Variants in SASH3 observed in about 807,000 individuals in gnomAD.
SASH3 encodes the protein SAM and SH3 domain containing 3, also known as SAM and SH3 domain-containing protein 3.
Under a neutral mutation model 26.1 loss-of-function variants are expected in SASH3, and 7 were observed. The ratio of observed to expected loss-of-function variants is 0.27; its 90% CI spans 0.15 to 0.50. The LOEUF (loss-of-function observed/expected upper bound fraction) is 0.50, where lower values mean the gene tolerates loss of function less well. Among genes scored for constraint, SASH3 ranks in the 20% least tolerant of loss-of-function variants. The pLI is 0.98. For synonymous variants in SASH3, 138 were observed against 136.8 expected (o/e 1.01, Z -0.06); for missense variants, 231 against 318.3 (o/e 0.73, Z 2.09).
intron 1 of SASH3, among the ~76,000 whole-genome samples, chrX:129,785,591 G>T (rs1041214815): frequency 1.2e-4 from 14 of 112,187 alleles, no homozygotes; most frequent in African/African-American, 4.5e-4. Context: ...CCCCCAGACT[G>T]CAGATTAATG....
chrX:129,783,505 T>C (rs960700682), intron 1 of SASH3, among the ~76,000 whole-genome samples: 2 of 112,179 alleles, frequency 1.8e-5, no homozygotes. Context: ...TCCAGAGTCA[T>C]AGACCTGGGT....
chrX:129,788,137 G>GGGGGTGGA, intron 2 of SASH3, 67 bp downstream of exon 2: 2 of 354,273 alleles, frequency 5.6e-6, no homozygotes, highest in Non-Finnish European at 5.4e-6. Flanking sequence ...GGGTGGGAGG[G>GGGGGTGGA]AAGAGGGTGA....
At chrX:129,782,660 T>C (rs1004139527) in intron 1 of SASH3, among the ~76,000 whole-genome samples, 3 of 112,232 alleles carry the variant, frequency 2.7e-5, no homozygotes, top group South Asian at 3.7e-4. Context: ...TGTCCCCTTG[T>C]TGATCTCAAA....
At chrX:129,788,301 G>C (rs1331805444) in intron 2 of SASH3, 130 bp from the exon 3 acceptor site, 1 of 652,029 alleles carries the variant, frequency 1.5e-6, no homozygotes, top group Admixed American at 3.0e-5. Context: ...GGGTTAAGAG[G>C]GGAGGGGATG....
In SASH3 at chrX:129,793,865, C is replaced by T. The variant is rs1232244840; in HGVS notation, c.*33C>T. The T allele has an allele frequency of 8.8e-7, 1 of 1,139,380 alleles. No individual in the cohort carries two copies. The highest frequency in any genetic ancestry group is 1.2e-6 in the Non-Finnish European group (1 of 850,149). The allele number at this position is 1,139,380 out of a possible 1,213,427, so 93.9% of individuals were successfully genotyped here. ...GTGGCAATAGGCCAAGGCTGGGACC[C>T]AGCTGCAAAGGCTGTAGGAGTGGGC... On this transcript the variant is annotated 3_prime_UTR_variant, in exon 8 of 8. Coordinates refer to ENST00000356892, the MANE Select transcript of SASH3 (RefSeq NM_018990.4).
At chrX:129,784,279 T>C (rs1927068773) in intron 1 of SASH3, among the ~76,000 whole-genome samples, 2 of 112,091 alleles carry the variant, frequency 1.8e-5, no homozygotes, top group Admixed American at 9.4e-5. Context: ...GTCTCCTACC[T>C]GGGTACTATT....
chrX:129,785,102 T>C (rs2124074522), intron 1 of SASH3, among the ~76,000 whole-genome samples: 1 of 110,655 alleles, frequency 9.0e-6, no homozygotes, highest in Non-Finnish European at 1.9e-5. Context: ...ATATTTAGTA[T>C]ATTTCAAATG....
intron 1 of SASH3, among the ~76,000 whole-genome samples, chrX:129,780,495 C>T (rs772383217): frequency 7.1e-5 from 8 of 112,562 alleles, no homozygotes; most frequent in Non-Finnish European, 1.3e-4. Flanking sequence ...GAACCCTAAG[C>T]TTGTACTTAA....
intron 1 of SASH3, among the ~76,000 whole-genome samples, chrX:129,786,831 T>C (rs1927115427): frequency 9.1e-6 from 1 of 109,316 alleles, no homozygotes; most frequent in South Asian, 4.0e-4. Flanking sequence ...TCGTCTCTAC[T>C]GAAAATACAA....
chrX:129,789,170 A>AGAAAGAAAGAAAGAGAAAG (rs10683625), intron 3 of SASH3, among the ~76,000 whole-genome samples: 2 of 48,293 alleles, frequency 4.1e-5, no homozygotes, highest in African/African-American at 2.9e-4. Flanking sequence ...AGAAAGAGAA[A>AGAAAGAAAGAAAGAGAAAG]AAAAAAAAAA....
chrX:129,790,344 A>G (rs1927208346), intron 3 of SASH3, among the ~76,000 whole-genome samples: 1 of 110,333 alleles, frequency 9.1e-6, no homozygotes, highest in African/African-American at 3.3e-5. Flanking sequence ...GCTGTTAAAC[A>G]GTTATCACCT....
Position 129,793,103 on chromosome X carries a change from C to A in SASH3, c.916C>A (p.Leu306Met). 1 of 1,211,755 alleles carries A rather than the reference C, an allele frequency of 8.3e-7. No individual in the cohort carries two copies. Among genetic ancestry groups the A allele is most frequent in the Non-Finnish European group, 1.1e-6 (1 of 895,509 alleles). The change falls in exon 7 of 8, where the codon CTG becomes ATG. Residue 306 changes from leucine to methionine, a missense_variant. Coordinates refer to ENST00000356892, the MANE Select transcript of SASH3 (RefSeq NM_018990.4). ...NIMDPQHRAKLLTAAELLLDY... is the reference protein window; with the variant it reads ...NIMDPQHRAKMLTAAELLLDY... ...CATGGATCCACAGCACCGGGCCAAG[C>A]TGCTCACGGCCGCCGAGCTGCTGCT...
At chrX:129,788,156 T>A in intron 2 of SASH3, 86 bp downstream of exon 2, 1 of 682,498 alleles carries the variant, frequency 1.5e-6, no homozygotes, top group South Asian at 2.7e-5. Flanking sequence ...GAAGAGGAGA[T>A]AGAATTGTTG....
chrX:129,780,264 G>A, intron 1 of SASH3, 110 bp downstream of exon 1: 4 of 697,483 alleles, frequency 5.7e-6, no homozygotes, highest in Non-Finnish European at 8.8e-6. Flanking sequence ...TGAGTCTGTA[G>A]GTGAGGGCCA....
At chrX:129,785,506 C>T (rs1480130833) in intron 1 of SASH3, among the ~76,000 whole-genome samples, 1 of 112,068 alleles carries the variant, frequency 8.9e-6, no homozygotes, top group Non-Finnish European at 1.9e-5. Context: ...TGATTATCTC[C>T]TCCCACTTTG....
Position 129,792,427 on chromosome X carries a change from A to T in SASH3, c.542A>T (p.His181Leu). Reference protein sequence around the residue: ...TGPFCGRARVHTDFTPSPYDH... With the variant: ...TGPFCGRARVLTDFTPSPYDH... ...CCTTTCTGTGGCCGGGCACGAGTCC[A>T]CACCGACTTCACTCCCAGCCCCTAT... Residue 181 changes from histidine to leucine, a missense_variant, in exon 5 of 8, where the codon CAC becomes CTC. By Grantham distance (99) the His-to-Leu change is moderately conservative. Coordinates refer to ENST00000356892, the MANE Select transcript of SASH3 (RefSeq NM_018990.4). 1 of 1,211,861 alleles carries T rather than the reference A, an allele frequency of 8.3e-7. No individual in the cohort carries two copies. The highest frequency in any genetic ancestry group is 1.1e-6 in the Non-Finnish European group (1 of 895,500).
At chrX:129,789,313 G>T (rs1379625444) in intron 3 of SASH3, among the ~76,000 whole-genome samples, 1 of 109,936 alleles carries the variant, frequency 9.1e-6, no homozygotes, top group African/African-American at 3.3e-5. Context: ...GATTGGGAAG[G>T]CCTATTTTCT....
intron 1 of SASH3, among the ~76,000 whole-genome samples, chrX:129,781,721 C>T (rs1435335492): frequency 3.6e-5 from 4 of 112,354 alleles, no homozygotes; most frequent in Non-Finnish European, 5.6e-5. Flanking sequence ...ATTCTGTGTT[C>T]GGCAGGCAAG....
intron 1 of SASH3, among the ~76,000 whole-genome samples, chrX:129,787,682 T>A (rs1023094468): frequency 3.6e-5 from 4 of 112,202 alleles, no homozygotes; most frequent in Non-Finnish European, 7.5e-5. Context: ...TCCAGGATTC[T>A]GGGGACCAAA....
Sources: allele counts gnomAD v4.1 joint callset (sites outside exome capture counted in the v4.1 genomes callset), GRCh38; gene constraint gnomAD v4.1.1; transcripts MANE v1.5; gene names NCBI Gene and HGNC (gene_info 2026-07-23, HGNC 2026-07-21).